Variants in RBFOX1 observed in about 807,000 individuals in gnomAD.
RBFOX1 encodes RNA binding fox-1 homolog 1, also known as RNA binding protein fox-1 homolog 1.
A neutral mutation model predicts 57.7 loss-of-function variants in RBFOX1; 8 were observed. The ratio of observed to expected loss-of-function variants is 0.14; its 90% CI spans 0.08 to 0.25. The LOEUF is 0.25. RBFOX1 is among the 10% of genes least tolerant of loss of function. The pLI is 1.00. For synonymous variants in RBFOX1, 326 were observed against 222.4 expected (o/e 1.47, Z -4.15); for missense variants, 611 against 548.5 (o/e 1.11, Z -1.14).
At chr16:5,939,574 G>A (rs147518657) in intron 4 of RBFOX1, among the ~76,000 whole-genome samples, 1 of 152,306 alleles carries the variant, frequency 6.6e-6, no homozygotes, top group African/African-American at 2.4e-5. Flanking sequence ...AGAAGGTAAA[G>A]AAGAAATCAC....
At chr16:5,741,072 C>T (rs2052754039) in intron 3 of RBFOX1, among the ~76,000 whole-genome samples, 1 of 152,090 alleles carries the variant, frequency 6.6e-6, no homozygotes, top group Non-Finnish European at 1.5e-5. Context: ...AAATTGAGAC[C>T]AGGAAGGGTG....
intron 2 of RBFOX1, among the ~76,000 whole-genome samples, chr16:6,400,524 C>A (rs2093026287): frequency 6.6e-6 from 1 of 152,094 alleles, no homozygotes. Context: ...CCAAGTTTCT[C>A]CTTTAAAACT....
At chr16:6,931,701 T>C (rs1383338989) in intron 3 of RBFOX1, among the ~76,000 whole-genome samples, 1 of 152,226 alleles carries the variant, frequency 6.6e-6, no homozygotes, top group Non-Finnish European at 1.5e-5. Flanking sequence ...AGACAGTTTC[T>C]AGTTGGTGGG....
intron 2 of RBFOX1, among the ~76,000 whole-genome samples, chr16:6,320,933 A>G (rs1277171660): frequency 1.3e-5 from 2 of 152,082 alleles, no homozygotes; most frequent in Admixed American, 6.5e-5. Context: ...AGCTGAGATT[A>G]CAGGCACCCA....
At chr16:6,404,147 A>G (rs573243518) in intron 2 of RBFOX1, among the ~76,000 whole-genome samples, 1 of 152,318 alleles carries the variant, frequency 6.6e-6, no homozygotes, top group African/African-American at 2.4e-5. Flanking sequence ...TTTAAATTGC[A>G]TCTATACTGA....
chr16:7,362,618 G>A (rs955852263), intron 4 of RBFOX1, among the ~76,000 whole-genome samples: 6 of 151,686 alleles, frequency 4.0e-5, no homozygotes, highest in East Asian at 1.9e-4. Flanking sequence ...TATGTTTTGC[G>A]TGTAGTATGT....
intron 3 of RBFOX1, among the ~76,000 whole-genome samples, chr16:6,929,186 C>T (rs1007185404): frequency 3.3e-5 from 5 of 152,122 alleles, no homozygotes; most frequent in African/African-American, 1.2e-4. Context: ...CAAACACATT[C>T]TACTCTTTGA....
chr16:7,312,864 A>C lies in RBFOX1; in HGVS notation c.28-205283A>C, dbSNP rs979468817. Among the ~76,000 whole-genome samples the C allele has an allele frequency of 6.6e-5, 10 of 152,028 alleles. No homozygotes were observed. In the East Asian group the frequency reaches 1.2e-3, roughly 18 times the overall value. Reference sequence around the variant, plus strand: ...AGCTTTAATATGGCGGGGCCCTGCTAAAGTGTAGATCGTCACCCAGGAGAG... The same window carrying C: ...AGCTTTAATATGGCGGGGCCCTGCTCAAGTGTAGATCGTCACCCAGGAGAG... On this transcript the variant is annotated intron_variant, in intron 4 of 15. Coordinates refer to ENST00000550418, the MANE Select transcript of RBFOX1 (RefSeq NM_018723.4).
At chr16:6,829,158 T>TAGA (rs1191768245) in intron 3 of RBFOX1, among the ~76,000 whole-genome samples, 1 of 151,318 alleles carries the variant, frequency 6.6e-6, no homozygotes, top group Admixed American at 6.6e-5. Flanking sequence ...AAGGTGGGTG[T>TAGA]AGAAGTTTCA....
intron 3 of RBFOX1, among the ~76,000 whole-genome samples, chr16:7,029,151 TATATATATACAC>T (rs2042031290): frequency 1.3e-5 from 1 of 78,996 alleles, no homozygotes; most frequent in Non-Finnish European, 2.6e-5. Flanking sequence ...TGTATATATG[TATATATATACAC>T]ATATATATAC....
intron 3 of RBFOX1, among the ~76,000 whole-genome samples, chr16:6,929,243 G>C (rs2076124631): frequency 6.6e-6 from 1 of 152,132 alleles, no homozygotes; most frequent in South Asian, 2.1e-4. Flanking sequence ...TTATGACAGA[G>C]AAGAAGAAGA....
chr16:7,092,071 T>C (rs549335492), intron 4 of RBFOX1, among the ~76,000 whole-genome samples: 3 of 152,324 alleles, frequency 2.0e-5, no homozygotes, highest in African/African-American at 7.2e-5. Context: ...CTAAGATATA[T>C]GCTGGAACAC....
At chr16:6,533,267 G>A (rs2096685728) in intron 2 of RBFOX1, among the ~76,000 whole-genome samples, 1 of 152,202 alleles carries the variant, frequency 6.6e-6, no homozygotes, top group African/African-American at 2.4e-5. Context: ...AGTAACCTAT[G>A]CACATGATAA....
At chr16:5,554,572 G>A (rs1427341134) in intron 2 of RBFOX1, among the ~76,000 whole-genome samples, 1 of 151,984 alleles carries the variant, frequency 6.6e-6, no homozygotes, top group Non-Finnish European at 1.5e-5. Context: ...TTTCTATAAT[G>A]AAAATGCACA....
intron 3 of RBFOX1, among the ~76,000 whole-genome samples, chr16:5,785,446 C>A (rs917342971): frequency 2.6e-5 from 4 of 152,130 alleles, no homozygotes; most frequent in Non-Finnish European, 5.9e-5. Flanking sequence ...ACGATCCTTC[C>A]ATTTTCTGTC....
At chr16:7,709,157 C>T (rs755735295) in intron 15 of RBFOX1, 26 bp downstream of exon 15, 1 of 1,579,216 alleles carries the variant, frequency 6.3e-7, no homozygotes, top group Admixed American at 1.7e-5. Context: ...TCCTTGTCCT[C>T]ACTTCCTCCT....
At chr16:6,608,669 G>T (rs1462639322) in intron 2 of RBFOX1, among the ~76,000 whole-genome samples, 1 of 152,210 alleles carries the variant, frequency 6.6e-6, no homozygotes, top group East Asian at 1.9e-4. Flanking sequence ...GGTCTCAGGA[G>T]GGTGAGGTAG....
At chr16:5,876,803 A>G (rs1324671449) in intron 4 of RBFOX1, among the ~76,000 whole-genome samples, 1 of 152,238 alleles carries the variant, frequency 6.6e-6, no homozygotes, top group East Asian at 1.9e-4. Flanking sequence ...TAGACAGAAC[A>G]GCAGAAGTTC....
chr16:5,305,210 A>G (rs1043306435), intron 1 of RBFOX1, among the ~76,000 whole-genome samples: 1 of 152,134 alleles, frequency 6.6e-6, no homozygotes, highest in Non-Finnish European at 1.5e-5. Context: ...TCAGTGAGGG[A>G]CCGGTTTCAC....
Sources: allele counts gnomAD v4.1 joint callset (sites outside exome capture counted in the v4.1 genomes callset), GRCh38; gene constraint gnomAD v4.1.1; transcripts MANE v1.5; gene names NCBI Gene and HGNC (gene_info 2026-07-23, HGNC 2026-07-21).